The following AGAP1 variants were observed in gnomAD, a reference collection of about 807,000 sequenced individuals.
AGAP1 encodes the protein arf-GAP with GTPase, ANK repeat and PH domain-containing protein 1.
A neutral mutation model predicts 105.3 loss-of-function variants in AGAP1; 29 were observed. That is an observed-to-expected ratio of 0.28 (90% CI 0.21 to 0.38). AGAP1 has a LOEUF of 0.38. Among genes scored for constraint, AGAP1 ranks in the 10% least tolerant of loss-of-function variants. AGAP1 has a pLI of 1.00. For synonymous variants in AGAP1, 509 were observed against 485.9 expected (o/e 1.05, Z -0.63); for missense variants, 998 against 1,165.1 (o/e 0.86, Z 2.09).
chr2:235,867,091 C>T lies in AGAP1; in HGVS notation c.1051-16254C>T, dbSNP rs756068501. ...AGCTCAGCATGGGAGGCTAAAGGGG[C>T]GCTCACCAGGATGGCCAGAGGAAGG... On this transcript the variant is annotated intron_variant, in intron 9 of 17. Coordinates refer to ENST00000304032, the MANE Select transcript of AGAP1 (RefSeq NM_001037131.3). The surrounding 1 kb of genome is among the most constrained non-coding windows in gnomAD (Gnocchi z 5.4). Among the ~76,000 whole-genome samples, 1 of 152,136 alleles carries T rather than the reference C, an allele frequency of 6.6e-6. No homozygotes were observed. Among genetic ancestry groups the T allele is most frequent in the Non-Finnish European group, 1.5e-5 (1 of 68,038 alleles).
chr2:235,941,721 T>G (rs1177418330), intron 12 of AGAP1, among the ~76,000 whole-genome samples: 2 of 152,182 alleles, frequency 1.3e-5, no homozygotes, highest in Non-Finnish European at 2.9e-5. Context: ...CATTGGGAAG[T>G]GACCCCAGAG....
At chr2:235,536,102 AG>A (rs1943206857) in intron 1 of AGAP1, among the ~76,000 whole-genome samples, 1 of 132,138 alleles carries the variant, frequency 7.6e-6, no homozygotes, top group African/African-American at 2.9e-5. Flanking sequence ...ATTTCCTCAC[AG>A]TACACACAGC....
At chr2:235,954,014 G>A (rs977406010) in intron 12 of AGAP1, among the ~76,000 whole-genome samples, 4 of 152,022 alleles carry the variant, frequency 2.6e-5, no homozygotes, top group African/African-American at 9.7e-5. Flanking sequence ...CAGATCACCT[G>A]AGGTCAGGAG....
chr2:235,895,299 C>T (rs893093805), intron 10 of AGAP1, among the ~76,000 whole-genome samples: 13 of 152,124 alleles, frequency 8.5e-5, no homozygotes, highest in Middle Eastern at 3.2e-3. Flanking sequence ...TCCCCTCTCC[C>T]GCTTGGTTGA....
intron 6 of AGAP1, chr2:235,783,359 C>A (rs958150681): frequency 8.5e-6 from 4 of 471,212 alleles, no homozygotes; most frequent in African/African-American, 8.0e-5. Flanking sequence ...TCTAAAAGCT[C>A]TTTGTTCCTT....
intron 1 of AGAP1, among the ~76,000 whole-genome samples, chr2:235,584,985 C>T (rs549955207): frequency 1.0e-4 from 15 of 143,896 alleles, no homozygotes; most frequent in African/African-American, 3.9e-4. Context: ...CACTTAGGTA[C>T]AGTGCTGCTG....
rs1193051913 is a variant in AGAP1, at chr2:235,961,984, G to A, written c.1484-6478G>A. The stretch of plus-strand genomic sequence containing the variant: ...GGCCCCGCGCCCATGGAGACTGCTG[G>A]GGACAGGCTGGGGCAGGGCGGGGTG... On this transcript the variant is annotated intron_variant, in intron 12 of 17. Transcript: ENST00000304032. This position sits in a 1 kb window ranked among gnomAD's most constrained non-coding sequence, Gnocchi z 5.9. Among the ~76,000 whole-genome samples, 1 of 152,222 alleles carries A rather than the reference G, an allele frequency of 6.6e-6. No homozygotes were observed. Among genetic ancestry groups the A allele is most frequent in the Admixed American group, 6.5e-5 (1 of 15,290 alleles).
intron 12 of AGAP1, among the ~76,000 whole-genome samples, chr2:235,955,128 A>G (rs1005490843): frequency 2.6e-5 from 4 of 152,148 alleles, no homozygotes; most frequent in Non-Finnish European, 5.9e-5. Flanking sequence ...TTGAGGCTAA[A>G]AGAAATGACA....
At chr2:235,852,667 A>G (rs1398240872) in intron 9 of AGAP1, 16 of 1,434,380 alleles carry the variant, frequency 1.1e-5, no homozygotes, top group Non-Finnish European at 1.5e-5. Flanking sequence ...AATTTTTTTT[A>G]TCTCCTTTCT....
chr2:235,682,095 C>T (rs976899856), intron 1 of AGAP1, among the ~76,000 whole-genome samples: 2 of 152,052 alleles, frequency 1.3e-5, no homozygotes, highest in Non-Finnish European at 2.9e-5. Context: ...TTGTGATCCA[C>T]GCATCTTGGC....
chr2:235,899,232 G>T (rs191690551), intron 10 of AGAP1, among the ~76,000 whole-genome samples: 1 of 152,168 alleles, frequency 6.6e-6, no homozygotes, highest in African/African-American at 2.4e-5. Flanking sequence ...CTACTGTTTG[G>T]CCGGGCGCGG....
intron 13 of AGAP1, among the ~76,000 whole-genome samples, chr2:235,996,354 C>T (rs1024129609): frequency 6.6e-6 from 1 of 152,180 alleles, no homozygotes; most frequent in African/African-American, 2.4e-5. Flanking sequence ...ATTGGAGATT[C>T]GTATCTGACA....
rs929786012 is a variant in AGAP1, at chr2:235,777,643, G to T, written c.674-20116G>T. Among the ~76,000 whole-genome samples, 1 of 152,290 alleles carries T rather than the reference G, an allele frequency of 6.6e-6. No individual in the cohort carries two copies. The highest frequency in any genetic ancestry group is 2.1e-4 in the South Asian group (1 of 4,824). ...TCAGAATCCGACGCTGGTCCTAAGTGCCTTCAGCTGTCACCTGAGCACGTT... is the reference window on the plus strand; with the variant it reads ...TCAGAATCCGACGCTGGTCCTAAGTTCCTTCAGCTGTCACCTGAGCACGTT... On this transcript the variant is annotated intron_variant, in intron 6 of 17. Transcript: ENST00000304032. The surrounding 1 kb of genome is among the most constrained non-coding windows in gnomAD (Gnocchi z 5.1).
intron 12 of AGAP1, among the ~76,000 whole-genome samples, chr2:235,942,235 C>A (rs1233703911): frequency 6.6e-6 from 1 of 152,242 alleles, no homozygotes; most frequent in South Asian, 2.1e-4. Flanking sequence ...GCAGACAACC[C>A]GCGATTCCCC....
rs2054593744 is a variant in AGAP1 at position 235,970,413 on chromosome 2, C to T, written c.1645+1790C>T. Among the ~76,000 whole-genome samples the T allele has an allele frequency of 6.6e-6, 1 of 152,068 alleles. No homozygotes were observed. The highest frequency in any genetic ancestry group is 1.5e-5 in the Non-Finnish European group (1 of 68,006). The stretch of plus-strand genomic sequence containing the variant: ...CAACCGTTGGGCAAAAATCACCCTG[C>T]CAAGCACGTGCAGCCACCCCTCCCT... On this transcript the variant is annotated intron_variant, in intron 13 of 17. Transcript: ENST00000304032. The surrounding 1 kb of genome is among the most constrained non-coding windows in gnomAD (Gnocchi z 5.4).
rs144517600 is a variant in AGAP1, at chr2:235,951,228, C to A, written c.1484-17234C>A. 5.9e-5 allele frequency among the ~76,000 whole-genome samples: 9 copies of A among 152,290 alleles called. No individual in the cohort carries two copies. The East Asian group carries it at 1.7e-3, about 29-fold the overall frequency. ...AGAAGACACTTCCGACTTTGATCTG[C>A]AGTTGCGGATGAAGATGCTCACGAG... On this transcript the variant is annotated intron_variant, in intron 12 of 17. Coordinates refer to ENST00000304032, the MANE Select transcript of AGAP1 (RefSeq NM_001037131.3). This position sits in a 1 kb window ranked among gnomAD's most constrained non-coding sequence, Gnocchi z 4.2.
intron 11 of AGAP1, among the ~76,000 whole-genome samples, chr2:235,913,600 T>C (rs568957672): frequency 6.6e-6 from 1 of 152,322 alleles, no homozygotes; most frequent in East Asian, 1.9e-4. Context: ...GTGTCTTAGA[T>C]GTATGACTCC....
chr2:235,860,267 GATA>G (rs1481288010), intron 9 of AGAP1, among the ~76,000 whole-genome samples: 3 of 152,156 alleles, frequency 2.0e-5, no homozygotes, highest in Non-Finnish European at 4.4e-5. Flanking sequence ...CAAAAAGGAA[GATA>G]ATAATGCTGA....
At chr2:235,652,938 C>T (rs1947643393) in intron 1 of AGAP1, among the ~76,000 whole-genome samples, 1 of 151,972 alleles carries the variant, frequency 6.6e-6, no homozygotes, top group Admixed American at 6.6e-5. Context: ...TGCCACTGCA[C>T]ACTCTAGCCT....
Sources: gnomAD v4.1 joint callset for allele counts (sites outside exome capture counted in the v4.1 genomes callset) on GRCh38, gnomAD v4.1.1 for gene constraint, Gnocchi (gnomAD v3.1) non-coding constraint, MANE v1.5 for transcripts, NCBI Gene and HGNC (gene_info 2026-07-23, HGNC 2026-07-21) for gene names.